Variants in RRBP1 observed in about 807,000 individuals in gnomAD.
RRBP1 encodes ribosome binding protein 1, also known as ribosome-binding protein 1.
RRBP1 carries 94 observed loss-of-function variants against 165.2 expected under a neutral mutation model. That is an observed-to-expected ratio of 0.57 (90% CI 0.48 to 0.68). The LOEUF (loss-of-function observed/expected upper bound fraction) is 0.68, where lower values mean the gene tolerates loss of function less well. Ranked by LOEUF, RRBP1 falls within the 30% of genes least tolerant of loss-of-function variation. RRBP1 has a pLI of 0.00. For missense variants in RRBP1, 1,676 were observed against 1,763.0 expected (o/e 0.95, Z 0.88); for synonymous variants, 680 against 714.5 (o/e 0.95, Z 0.77).
chr20:17,675,554 G>T (rs183094934), intron 2 of RRBP1, among the ~76,000 whole-genome samples: 1 of 151,770 alleles, frequency 6.6e-6, no homozygotes, highest in African/African-American at 2.4e-5. Flanking sequence ...GCAGGGAGTG[G>T]GGGTGGGAGA....
rs770696487 is a variant in RRBP1, at chr20:17,643,020, G to C, written c.2020C>G (p.Leu674Val). The change falls in exon 4 of 25, where the codon CTG becomes GTG. Residue 674 changes from leucine to valine, a missense_variant. Around this residue, in one of 5 missense-constraint regions of RRBP1, gnomAD observed 1,184 missense variants for 1,167.1 expected, o/e 1.01. Coordinates refer to ENST00000377813, the MANE Select transcript of RRBP1 (RefSeq NM_001365613.2). The surrounding 1 kb of genome is among the most constrained non-coding windows in gnomAD (Gnocchi z 4.3). Reference sequence around the variant, plus strand: ...TGAATGATGCCAGCCTTCTCAGACAGGATCTCGATGAGCCGCTGGGCCTCG... The same window carrying C: ...TGAATGATGCCAGCCTTCTCAGACACGATCTCGATGAGCCGCTGGGCCTCG... ...EGEAQRLIEI[L>V]SEKAGIIQDT... 2 of 1,614,124 alleles carry C rather than the reference G, an allele frequency of 1.2e-6. No homozygotes were observed. Among genetic ancestry groups the C allele is most frequent in the South Asian group, 2.2e-5 (2 of 91,078 alleles).
In RRBP1 at chr20:17,614,098, G is replaced by T; in HGVS notation, c.*84C>A. 1 of 1,380,870 alleles carries T rather than the reference G, an allele frequency of 7.2e-7. No homozygotes were observed. The highest frequency in any genetic ancestry group is 1.2e-5 in the South Asian group (1 of 86,196). 85.5% of individuals were successfully genotyped at this position (1,380,870 alleles called of 1,614,324 possible). Reference sequence around the variant, plus strand: ...CCGGAAGTTGGGCCTGGATAACGCTGTGTAGGTTGGTTGGTTTATTTGTAA... The same window carrying T: ...CCGGAAGTTGGGCCTGGATAACGCTTTGTAGGTTGGTTGGTTTATTTGTAA... On this transcript the variant is annotated 3_prime_UTR_variant, in exon 25 of 25. Coordinates refer to ENST00000377813, the MANE Select transcript of RRBP1 (RefSeq NM_001365613.2).
chr20:17,627,460 A>G (rs2122290812), intron 10 of RRBP1, 44 bp downstream of exon 10: 2 of 1,607,792 alleles, frequency 1.2e-6, no homozygotes, highest in African/African-American at 1.3e-5. Context: ...CACCTGCTAG[A>G]TGGAGTTCCC....
intron 12 of RRBP1, 117 bp from the exon 13 acceptor site, chr20:17,624,785 G>A (rs984346075): frequency 1.4e-6 from 1 of 720,632 alleles, no homozygotes; most frequent in Non-Finnish European, 2.4e-6. Context: ...GGCCCACAGA[G>A]GACCTGCCAC....
At chr20:17,619,806 G>A (rs536158932) in intron 18 of RRBP1, 78 bp from the exon 19 acceptor site, 70 of 1,103,330 alleles carry the variant, frequency 6.3e-5, no homozygotes, top group Non-Finnish European at 6.4e-5. Flanking sequence ...GGAGCAGGCT[G>A]GCCCTGGGAT....
At chr20:17,680,235 G>C (rs991844396) in intron 1 of RRBP1, among the ~76,000 whole-genome samples, 160 bp from the exon 2 acceptor site, 3 of 152,196 alleles carry the variant, frequency 2.0e-5, no homozygotes, top group Admixed American at 6.5e-5. Context: ...TGTGAGGAGG[G>C]AGGCGGGGCA....
chr20:17,616,161 C>T, intron 21 of RRBP1, 152 bp from the exon 22 acceptor site: 1 of 643,022 alleles, frequency 1.6e-6, no homozygotes, highest in Non-Finnish European at 2.6e-6. Flanking sequence ...ACCTCAGCCC[C>T]TGGTACAGAC....
chr20:17,619,804 C>G (rs1284865407), intron 18 of RRBP1, 76 bp from the exon 19 acceptor site: 3 of 1,138,598 alleles, frequency 2.6e-6, no homozygotes, highest in Non-Finnish European at 2.5e-6. Context: ...AGGGAGCAGG[C>G]TGGCCCTGGG....
chr20:17,618,462 C>T (rs1324624823), intron 20 of RRBP1, 134 bp downstream of exon 20: 5 of 752,998 alleles, frequency 6.6e-6, no homozygotes, highest in Non-Finnish European at 1.2e-5. Context: ...CGGCCCCATG[C>T]TGCTCAACGG....
At chr20:17,635,206 G>C (rs186693463) in intron 7 of RRBP1, among the ~76,000 whole-genome samples, 7 of 152,310 alleles carry the variant, frequency 4.6e-5, no homozygotes, top group Admixed American at 2.6e-4. Context: ...CGGTGCTTCA[G>C]CAACTCAGAG....
At chr20:17,646,582 G>T (rs534774612) in intron 3 of RRBP1, among the ~76,000 whole-genome samples, 1 of 152,348 alleles carries the variant, frequency 6.6e-6, no homozygotes, top group South Asian at 2.1e-4. Flanking sequence ...GTTGCAACGT[G>T]CTTGGAACCA....
intron 5 of RRBP1, among the ~76,000 whole-genome samples, chr20:17,640,867 C>G (rs932406935): frequency 3.3e-5 from 5 of 152,188 alleles, no homozygotes; most frequent in African/African-American, 1.2e-4. Context: ...TCTTTGTGCT[C>G]GAGCAGACAA....
intron 5 of RRBP1, chr20:17,641,469 A>T: frequency 2.9e-6 from 1 of 341,200 alleles, no homozygotes; most frequent in Non-Finnish European, 5.5e-6. Context: ...CTGTGACTGC[A>T]GGACCTGTCT....
At chr20:17,636,106 T>C (rs1025000047) in intron 6 of RRBP1, among the ~76,000 whole-genome samples, 2 of 152,196 alleles carry the variant, frequency 1.3e-5, no homozygotes, top group Admixed American at 6.5e-5. Context: ...ATGAGCAGGG[T>C]GCAGGCTTCA....
intron 2 of RRBP1, among the ~76,000 whole-genome samples, chr20:17,672,839 A>T (rs1222151482): frequency 6.6e-6 from 1 of 152,230 alleles, no homozygotes; most frequent in Non-Finnish European, 1.5e-5. Flanking sequence ...CAACAACCTG[A>T]CAAGTCTTAC....
At chr20:17,620,984 G>A (rs1052794746) in intron 16 of RRBP1, among the ~76,000 whole-genome samples, 177 bp from the exon 17 acceptor site, 13 of 152,252 alleles carry the variant, frequency 8.5e-5, no homozygotes, top group African/African-American at 3.1e-4. Context: ...AGGTCCTCTG[G>A]CCAGTGGGCC....
rs763740290 is a variant in RRBP1 at position 17,629,876 on chromosome 20, G to A, written c.2696C>T (p.Ala899Val). 1.9e-6 allele frequency: 3 copies of A among 1,600,274 alleles called. No individual in the cohort carries two copies. The highest frequency in any genetic ancestry group is 2.5e-6 in the Non-Finnish European group (3 of 1,179,512). ...CTTCTCGGCATCCGCCCGGAGGCTG[G>A]CGTGGCTGCTCTGCGTGTGGCACAG... ...RELCHTQSSHASLRADAEKAQ... is the reference protein window; with the variant it reads ...RELCHTQSSHVSLRADAEKAQ... The change falls in exon 9 of 25, where the codon GCC (alanine) becomes GTC (valine). Residue 899 changes from alanine (A) to valine (V), a missense_variant. By Grantham distance (64) the Ala-to-Val change is moderately conservative (BLOSUM62 0). Transcript: ENST00000377813.
intron 9 of RRBP1, among the ~76,000 whole-genome samples, chr20:17,629,397 C>G (rs1375043181): frequency 2.0e-5 from 3 of 152,208 alleles, no homozygotes; most frequent in African/African-American, 7.2e-5. Context: ...GCTGACTGAG[C>G]TGGGAGAGTA....
At chr20:17,651,721 G>A (rs2036562897) in intron 3 of RRBP1, among the ~76,000 whole-genome samples, 1 of 152,164 alleles carries the variant, frequency 6.6e-6, no homozygotes, top group African/African-American at 2.4e-5. Context: ...CACCTTCCAT[G>A]CCTCCATACT....
Sources: allele counts gnomAD v4.1 joint callset (sites outside exome capture counted in the v4.1 genomes callset), GRCh38; gene constraint gnomAD v4.1.1; regional missense constraint gnomAD v4.1.1; non-coding constraint Gnocchi (gnomAD v3.1); transcripts MANE v1.5; gene names NCBI Gene and HGNC (gene_info 2026-07-23, HGNC 2026-07-21).